The following CHDH variants were observed in gnomAD, a reference collection of about 807,000 sequenced individuals.
CHDH encodes the protein choline dehydrogenase.
CHDH carries 43 observed loss-of-function variants against 56.9 expected under a neutral mutation model. The observed-to-expected ratio is 0.76, with a 90% CI of 0.59 to 0.97. The LOEUF (loss-of-function observed/expected upper bound fraction) is 0.97, where lower values mean the gene tolerates loss of function less well. Among genes scored for constraint, CHDH ranks in the 50% least tolerant of loss-of-function variants. CHDH has a pLI of 0.00. For missense variants in CHDH, 816 were observed against 821.1 expected, an observed-to-expected ratio of 0.99 and a Z score of 0.08; for synonymous variants, 364 against 348.5, an observed-to-expected ratio of 1.04 and a Z score of -0.50.
At chr3:53,845,264 T>G (rs1043378474) in intron 1 of CHDH, among the ~76,000 whole-genome samples, 11 of 152,116 alleles carry the variant, frequency 7.2e-5, no homozygotes, top group African/African-American at 2.7e-4. Flanking sequence ...TGATCCCCAG[T>G]CCATGCAAGC....
chr3:53,825,470 G>C (rs745379449), intron 2 of CHDH, among the ~76,000 whole-genome samples: 1 of 152,142 alleles, frequency 6.6e-6, no homozygotes, highest in Non-Finnish European at 1.5e-5. Context: ...TACAATGTTA[G>C]AGAAGAACAA....
chr3:53,844,127 T>C (rs1251207561), intron 1 of CHDH, among the ~76,000 whole-genome samples: 1 of 152,096 alleles, frequency 6.6e-6, no homozygotes, highest in Non-Finnish European at 1.5e-5. Flanking sequence ...CTGAACCAGG[T>C]ATCACCCCAT....
At position 53,817,493 on chromosome 3, in the gene CHDH, A is replaced by G. The variant is rs181591871; in HGVS notation, c.*284T>C. On this transcript the variant is annotated 3_prime_UTR_variant, in exon 9 of 9. Transcript: ENST00000315251. ...AAAAAGGATGCGGCAGGAGTTAACC[A>G]TCCTCCCCTTCTGTCCCTCCAGGAG... 7 of 442,488 alleles carry G rather than the reference A, an allele frequency of 1.6e-5. No individual in the cohort carries two copies. Among genetic ancestry groups the G allele is most frequent in the Middle Eastern group, 1.2e-3 (2 of 1,672 alleles). 27.4% of individuals were successfully genotyped at this position (442,488 alleles called of 1,614,324 possible). A position where few individuals can be genotyped will look rare whatever the true frequency, so the allele number is the denominator to read the frequency against.
rs768915925 is a variant in CHDH at position 53,820,374 on chromosome 3, G to A, written c.1120+100C>T. On this transcript the variant is annotated intron_variant, in intron 6 of 8. Transcript: ENST00000315251. ...GGGCTAAGGTAAATGGCATAGTTCC[G>A]CATCAAACCCAGTGGCCAGAACCCC... 43 of 1,382,244 alleles carry A rather than the reference G, an allele frequency of 3.1e-5. 1 individual carries two copies. The highest frequency in any genetic ancestry group is 7.3e-5 in the African/African-American group (5 of 68,934). 85.6% of individuals were successfully genotyped at this position (1,382,244 alleles called of 1,614,324 possible).
chr3:53,845,008 G>T (rs28385668), intron 1 of CHDH, among the ~76,000 whole-genome samples: 2,331 of 152,340 alleles, frequency 0.015, 13 homozygotes, highest in Middle Eastern at 0.024. Flanking sequence ...CCCATGTGTG[G>T]TTCACCTTTG....
chr3:53,824,081 A>G lies in CHDH; in HGVS notation c.-59-14T>C. 1.5e-6 allele frequency: 2 copies of G among 1,348,818 alleles called. No individual in the cohort carries two copies. Among genetic ancestry groups the G allele is most frequent in the South Asian group, 1.6e-5 (1 of 61,724 alleles). The allele number at this position is 1,348,818 out of a possible 1,614,324, so 83.6% of individuals were successfully genotyped here. ...ACTCACTTCTCCCTAAAACAGGAAGAGGGGCTTTAAAAATCTTAACTCCGC... is the reference window on the plus strand; with the variant it reads ...ACTCACTTCTCCCTAAAACAGGAAGGGGGGCTTTAAAAATCTTAACTCCGC... On this transcript the variant is annotated splice_polypyrimidine_tract_variant and intron_variant, in intron 2 of 8. Transcript: ENST00000315251.
intron 2 of CHDH, among the ~76,000 whole-genome samples, chr3:53,830,402 T>TTATA (rs34884918): frequency 0.057 from 8,426 of 146,976 alleles, 589 homozygotes; most frequent in African/African-American, 0.15. Flanking sequence ...CTAAATGAGA[T>TTATA]TATATATATA....
rs1233337239 is a variant in CHDH, at chr3:53,812,359, C to T, written c.*5418G>A. ...ATAGAGCCAATTCTCATTTATTCAG[C>T]GAAAATCCTCTGGGGTTAAAATTTT... On this transcript the variant is annotated 3_prime_UTR_variant, in exon 9 of 9. Coordinates refer to ENST00000315251, the MANE Select transcript of CHDH (RefSeq NM_018397.5). The T allele has an allele frequency of 2.0e-5, 3 of 152,234 alleles. No individual in the cohort carries two copies. Among genetic ancestry groups the T allele is most frequent in the South Asian group, 2.1e-4 (1 of 4,826 alleles). The allele number at this position is 152,234 out of a possible 1,614,324, so 9.4% of individuals were successfully genotyped here.
intron 1 of CHDH, among the ~76,000 whole-genome samples, chr3:53,844,933 C>G (rs1326357050): frequency 6.6e-6 from 1 of 152,282 alleles, no homozygotes; most frequent in East Asian, 1.9e-4. Flanking sequence ...AAGGCGGGTA[C>G]TTGTGTCCTT....
chr3:53,827,159 G>A (rs1056418416), intron 2 of CHDH, among the ~76,000 whole-genome samples: 2 of 152,150 alleles, frequency 1.3e-5, no homozygotes, highest in African/African-American at 2.4e-5. Flanking sequence ...TTGTCGAATT[G>A]TAATCACCAA....
In CHDH at chr3:53,819,493, G is replaced by A. The variant is rs2095621955; in HGVS notation, c.1263+39C>T. On this transcript the variant is annotated intron_variant, in intron 7 of 8. Transcript: ENST00000315251. The surrounding 1 kb of genome is among the most constrained non-coding windows in gnomAD (Gnocchi z 5.4). Reference sequence around the variant, plus strand: ...GAGCATCTTCCTTCCTGGTGGGAAGGAGACATCCTGGGAAGCCGAGGCTCT... The same window carrying A: ...GAGCATCTTCCTTCCTGGTGGGAAGAAGACATCCTGGGAAGCCGAGGCTCT... 6.4e-7 allele frequency: 1 copy of A among 1,572,570 alleles called. No homozygotes were observed. Among genetic ancestry groups the A allele is most frequent in the South Asian group, 1.2e-5 (1 of 84,026 alleles).
intron 1 of CHDH, among the ~76,000 whole-genome samples, chr3:53,842,896 G>A (rs1230945262): frequency 1.3e-5 from 2 of 152,174 alleles, no homozygotes; most frequent in Admixed American, 6.5e-5. Context: ...TCCCAGCTCC[G>A]GCTCACCACC....
rs768043532 is a variant in CHDH, at chr3:53,822,642, C to A, written c.704G>T (p.Gly235Val). The A allele has an allele frequency of 1.2e-6, 2 of 1,607,056 alleles. No homozygotes were observed. The highest frequency in any genetic ancestry group is 1.1e-5 in the South Asian group (1 of 91,028). Residue 235 changes from glycine (G) to valine (V), a missense_variant and splice_region_variant, in exon 4 of 9, where the codon GGC (glycine) becomes GTC (valine). Gly to Val is a moderately radical substitution (Grantham distance 109, BLOSUM62 -3). Transcript: ENST00000315251. ...FGWMDMTIHE[G>V]KRWSAACAYL... is the part of the protein sequence containing the mutation. ...GGCACAGGCCGCGCTCCACCGTTTGCCTGCAGGATGGAGTGAGGTGGTCAG... is the reference window on the plus strand; with the variant it reads ...GGCACAGGCCGCGCTCCACCGTTTGACTGCAGGATGGAGTGAGGTGGTCAG...
intron 2 of CHDH, among the ~76,000 whole-genome samples, chr3:53,832,093 C>T (rs1452955382): frequency 1.3e-5 from 2 of 152,128 alleles, no homozygotes; most frequent in African/African-American, 2.4e-5. Flanking sequence ...AAAGCTAACA[C>T]AGACCATGTG....
intron 2 of CHDH, among the ~76,000 whole-genome samples, chr3:53,824,534 G>A (rs2095635435): frequency 6.6e-6 from 1 of 152,210 alleles, no homozygotes; most frequent in Admixed American, 6.5e-5. Context: ...ATGGTTTAGG[G>A]CCTGGGAAAA....
In CHDH at chr3:53,837,519, G is replaced by T. The variant is rs1051046015; in HGVS notation, c.-60+3410C>A. Among the ~76,000 whole-genome samples, 19 of 152,380 alleles carry T rather than the reference G, an allele frequency of 1.2e-4. 1 individual carries two copies. The highest frequency in any genetic ancestry group is 4.1e-4 in the South Asian group (2 of 4,828). ...GCCAGGCCGCACCGTGTGACCCAGG[G>T]CAGGGTTTCCTGTTGGTAAGGCGTG... On this transcript the variant is annotated intron_variant, in intron 2 of 8. Coordinates refer to ENST00000315251, the MANE Select transcript of CHDH (RefSeq NM_018397.5).
chr3:53,842,690 G>A (rs971108218), intron 1 of CHDH, among the ~76,000 whole-genome samples: 1 of 152,176 alleles, frequency 6.6e-6, no homozygotes, highest in Non-Finnish European at 1.5e-5. Context: ...GCTTTCCTGG[G>A]CCAGCCCCTC....
chr3:53,843,553 T>C (rs1020380058), intron 1 of CHDH, among the ~76,000 whole-genome samples: 3 of 152,126 alleles, frequency 2.0e-5, no homozygotes, highest in Non-Finnish European at 4.4e-5. Flanking sequence ...ACCTTTGCTC[T>C]GCTTGTGAAG....
Position 53,812,414 on chromosome 3 carries a change from T to C in CHDH, c.*5363A>G, listed in dbSNP as rs747919708. Reference sequence around the variant, plus strand: ...TTGAAAGAACTTGACACTACAGAAATTTTTCTAAAATATTTTGAGTCACTA... The same window carrying C: ...TTGAAAGAACTTGACACTACAGAAACTTTTCTAAAATATTTTGAGTCACTA... On this transcript the variant is annotated 3_prime_UTR_variant, in exon 9 of 9. Transcript: ENST00000315251. 6.6e-6 allele frequency: 1 copy of C among 152,212 alleles called. No individual in the cohort carries two copies. Among genetic ancestry groups the C allele is most frequent in the East Asian group, 1.9e-4 (1 of 5,196 alleles). The allele number at this position is 152,212 out of a possible 1,614,324, so 9.4% of individuals were successfully genotyped here. A position where few individuals can be genotyped will look rare whatever the true frequency, so the allele number is the denominator to read the frequency against.
Sources: allele counts gnomAD v4.1 joint callset (sites outside exome capture counted in the v4.1 genomes callset), GRCh38; gene constraint gnomAD v4.1.1; non-coding constraint Gnocchi (gnomAD v3.1); transcripts MANE v1.5; gene names NCBI Gene and HGNC (gene_info 2026-07-23, HGNC 2026-07-21).